The following ST3GAL1 variants were observed in gnomAD, a reference collection of about 807,000 sequenced individuals.
The protein encoded by ST3GAL1 is ST3 beta-galactoside alpha-2,3-sialyltransferase 1, also known as CMP-N-acetylneuraminate-beta-galactosamide-alpha-2,3-sialyltransferase 1.
In ST3GAL1, 16 loss-of-function variants were observed where a neutral mutation model predicts 34.1. The observed-to-expected ratio is 0.47, with a 90% CI of 0.32 to 0.71. ST3GAL1 has a LOEUF of 0.71. Among genes scored for constraint, ST3GAL1 ranks in the 30% least tolerant of loss-of-function variants. The probability of loss-of-function intolerance (pLI) is 0.04; values close to 1 mark genes in which losing one functional copy is unlikely to be tolerated. For synonymous variants in ST3GAL1, 191 were observed against 184.7 expected (o/e 1.03, Z -0.28); for missense variants, 353 against 447.4 (o/e 0.79, Z 1.90).
intron 2 of ST3GAL1, among the ~76,000 whole-genome samples, chr8:133,534,604 G>C (rs760048360): frequency 9.9e-5 from 15 of 152,216 alleles, no homozygotes; most frequent in Non-Finnish European, 1.6e-4. Context: ...GGCGTGGATA[G>C]CAAAGTGAAA....
At position 133,459,914 on chromosome 8, in the gene ST3GAL1, T is replaced by G. The variant is rs776521085; in HGVS notation, c.873A>C (p.Ala291=). ...CDEVDLYGFG[A]DSKGNWHHYW... is the part of the protein sequence containing the mutation. ...AGTGGTGCCAGTTCCCTTTGCTGTCTGCCCCGAAGCCGTACAAGTCCACCT... is the reference window on the plus strand; with the variant it reads ...AGTGGTGCCAGTTCCCTTTGCTGTCGGCCCCGAAGCCGTACAAGTCCACCT... The change falls in exon 10 of 10, where the codon GCA becomes GCC. Residue 291 remains alanine, a synonymous_variant. Transcript: ENST00000522652. This position sits in a 1 kb window ranked among gnomAD's most constrained non-coding sequence, Gnocchi z 4.7. The G allele has an allele frequency of 6.2e-7, 1 of 1,613,478 alleles. No homozygotes were observed. Among genetic ancestry groups the G allele is most frequent in the Non-Finnish European group, 8.5e-7 (1 of 1,179,648 alleles).
chr8:133,535,823 C>G (rs778412395), intron 2 of ST3GAL1, among the ~76,000 whole-genome samples: 1 of 152,094 alleles, frequency 6.6e-6, no homozygotes, highest in Non-Finnish European at 1.5e-5. Context: ...AAGATATGTA[C>G]ATTGTTGTTT....
In ST3GAL1 at chr8:133,461,729, T is replaced by C. The variant is rs1815514096; in HGVS notation, c.849+146A>G. ...ACTAAAACACCCTGGGAGACACATG[T>C]TGCAAGTCCTGTCGTAGAGACAGGG... On this transcript the variant is annotated intron_variant, in intron 9 of 9. Transcript: ENST00000522652. This position sits in a 1 kb window ranked among gnomAD's most constrained non-coding sequence, Gnocchi z 4.7. 2 of 1,157,150 alleles carry C rather than the reference T, an allele frequency of 1.7e-6. No homozygotes were observed. Among genetic ancestry groups the C allele is most frequent in the Middle Eastern group, 2.9e-4 (1 of 3,414 alleles). 71.7% of individuals were successfully genotyped at this position (1,157,150 alleles called of 1,614,324 possible).
chr8:133,524,084 T>C (rs1817890811), intron 2 of ST3GAL1, among the ~76,000 whole-genome samples: 1 of 152,178 alleles, frequency 6.6e-6, no homozygotes, highest in African/African-American at 2.4e-5. Flanking sequence ...ATGGTTTTGT[T>C]ACACAGCAAA....
At chr8:133,522,084 G>A (rs1444764896) in intron 2 of ST3GAL1, among the ~76,000 whole-genome samples, 3 of 152,142 alleles carry the variant, frequency 2.0e-5, no homozygotes, top group African/African-American at 7.2e-5. Context: ...GCCCAACTCT[G>A]GGCAGAAAGC....
intron 2 of ST3GAL1, among the ~76,000 whole-genome samples, chr8:133,505,988 A>G (rs1316387291): frequency 6.6e-6 from 1 of 152,234 alleles, no homozygotes. Flanking sequence ...CACTAATTAA[A>G]TTAACTGAAT....
At chr8:133,490,883 C>T (rs1160754459) in intron 3 of ST3GAL1, among the ~76,000 whole-genome samples, 2 of 152,156 alleles carry the variant, frequency 1.3e-5, no homozygotes. Context: ...GCCCGGTCTC[C>T]ATGAGCATGA....
chr8:133,546,722 G>C (rs565548768), intron 1 of ST3GAL1, among the ~76,000 whole-genome samples: 1 of 152,060 alleles, frequency 6.6e-6, no homozygotes, highest in South Asian at 2.1e-4. Flanking sequence ...CATCTGGCAG[G>C]GTGCGGTGGC....
rs534531379 is a variant in ST3GAL1, at chr8:133,479,969, G to C, written c.-373-3369C>G. On this transcript the variant is annotated intron_variant, in intron 3 of 9. Coordinates refer to ENST00000522652, the MANE Select transcript of ST3GAL1 (RefSeq NM_173344.3). The stretch of plus-strand genomic sequence containing the variant: ...AGCGTGGGGCAGCCTGCAGGCATGG[G>C]GGAATGCCAGCCCTGGCTCCCGGAA... Among the ~76,000 whole-genome samples the C allele has an allele frequency of 4.6e-5, 7 of 152,342 alleles. No homozygotes were observed. In the East Asian group the frequency reaches 1.4e-3, roughly 29 times the overall value.
intron 2 of ST3GAL1, among the ~76,000 whole-genome samples, chr8:133,505,986 A>G (rs1333452968): frequency 2.0e-5 from 3 of 152,214 alleles, no homozygotes; most frequent in Non-Finnish European, 4.4e-5. Flanking sequence ...GCCACTAATT[A>G]AATTAACTGA....
rs534699098 is a variant in ST3GAL1 at position 133,468,042 on chromosome 8, C to T, written c.307-1952G>A. 6.6e-5 allele frequency among the ~76,000 whole-genome samples: 10 copies of T among 152,076 alleles called. No individual in the cohort carries two copies. The East Asian group carries it at 1.2e-3, about 18-fold the overall frequency. On this transcript the variant is annotated intron_variant, in intron 5 of 9. Transcript: ENST00000522652. ...TGGTGGGGATGTAAAACCGTGCAGC[C>T]GAGGTAAAAACTGGGTGGTTTTTCA... is the stretch of plus-strand genomic sequence containing the variant.
chr8:133,551,454 G>A (rs1001513192), intron 1 of ST3GAL1, among the ~76,000 whole-genome samples: 2 of 151,182 alleles, frequency 1.3e-5, no homozygotes, highest in African/African-American at 4.9e-5. Flanking sequence ...GCAACAGAGT[G>A]AGGAAAAGAA....
In ST3GAL1 at chr8:133,457,859, C is replaced by T. The variant is rs1367457899; in HGVS notation, c.*1905G>A. ...TCCCCCGAGCCTGGGAGCACAGGCC[C>T]CATGCCTCCGTCACACTCCACCAGG... On this transcript the variant is annotated 3_prime_UTR_variant, in exon 10 of 10. Coordinates refer to ENST00000522652, the MANE Select transcript of ST3GAL1 (RefSeq NM_173344.3). 2 of 152,256 alleles carry T rather than the reference C, an allele frequency of 1.3e-5. No individual in the cohort carries two copies. Among genetic ancestry groups the T allele is most frequent in the African/African-American group, 4.8e-5 (2 of 41,454 alleles). The allele number at this position is 152,256 out of a possible 1,614,324, so 9.4% of individuals were successfully genotyped here.
At chr8:133,476,917 C>T (rs1326941415) in intron 3 of ST3GAL1, among the ~76,000 whole-genome samples, 3 of 152,236 alleles carry the variant, frequency 2.0e-5, no homozygotes, top group Admixed American at 1.3e-4. Context: ...ACAATATACA[C>T]AGGAATTGTT....
At chr8:133,520,594 C>A (rs1048634859) in intron 2 of ST3GAL1, among the ~76,000 whole-genome samples, 3 of 152,068 alleles carry the variant, frequency 2.0e-5, no homozygotes, top group Non-Finnish European at 4.4e-5. Context: ...TCTCTGGCAG[C>A]CCACCCCACC....
intron 1 of ST3GAL1, among the ~76,000 whole-genome samples, chr8:133,568,220 C>G (rs1183848258): frequency 6.6e-6 from 1 of 152,188 alleles, no homozygotes; most frequent in Non-Finnish European, 1.5e-5. Context: ...TGTGCCCAGC[C>G]AAGCCTCTTA....
chr8:133,541,731 T>G (rs1818540205), intron 2 of ST3GAL1, among the ~76,000 whole-genome samples: 1 of 152,224 alleles, frequency 6.6e-6, no homozygotes, highest in African/African-American at 2.4e-5. Flanking sequence ...TGCTATAAGC[T>G]TGCTGCTTTA....
chr8:133,479,120 C>G (rs960908063), intron 3 of ST3GAL1, among the ~76,000 whole-genome samples: 7 of 152,216 alleles, frequency 4.6e-5, no homozygotes, highest in Non-Finnish European at 1.0e-4. Context: ...GCTCATTTCT[C>G]GGGGCCGTCA....
chr8:133,553,173 A>G (rs1818910664), intron 1 of ST3GAL1, among the ~76,000 whole-genome samples: 1 of 151,944 alleles, frequency 6.6e-6, no homozygotes, highest in South Asian at 2.1e-4. Flanking sequence ...TCCCTGCTCC[A>G]CTCTGCTTTG....
Sources: allele counts gnomAD v4.1 joint callset (sites outside exome capture counted in the v4.1 genomes callset), GRCh38; gene constraint gnomAD v4.1.1; non-coding constraint Gnocchi (gnomAD v3.1); transcripts MANE v1.5; gene names NCBI Gene and HGNC (gene_info 2026-07-23, HGNC 2026-07-21).